The following KCNH8 variants were observed in gnomAD, a reference collection of about 807,000 sequenced individuals.
KCNH8 encodes potassium voltage-gated channel subfamily H member 8, also known as voltage-gated delayed rectifier potassium channel KCNH8.
A neutral mutation model predicts 103.6 loss-of-function variants in KCNH8; 70 were observed. That is an observed-to-expected ratio of 0.68 (90% confidence interval 0.56 to 0.82). The LOEUF (loss-of-function observed/expected upper bound fraction) is 0.82. Among genes scored for constraint, KCNH8 ranks in the 40% least tolerant of loss-of-function variants. The pLI, the probability that KCNH8 is intolerant of heterozygous loss-of-function variation, is 0.00. For synonymous variants in KCNH8, 498 were observed against 489.4 expected, an observed-to-expected ratio of 1.02 and a Z score of -0.23; for missense variants, 1,217 against 1,329.9, an observed-to-expected ratio of 0.92 and a Z score of 1.32.
intron 5 of KCNH8, among the ~76,000 whole-genome samples, chr3:19,362,269 C>T (rs1325240879): frequency 6.6e-6 from 1 of 152,056 alleles, no homozygotes; most frequent in Non-Finnish European, 1.5e-5. Flanking sequence ...TGTTAGGCCC[C>T]AAAGCTTAAA....
At chr3:19,194,637 G>C (rs2063583580) in intron 1 of KCNH8, among the ~76,000 whole-genome samples, 2 of 151,782 alleles carry the variant, frequency 1.3e-5, no homozygotes, top group Admixed American at 1.3e-4. Context: ...AGAGGGGAAA[G>C]ATAAGGAGGG....
chr3:19,232,046 C>T (rs558436506), intron 1 of KCNH8, among the ~76,000 whole-genome samples: 194 of 152,246 alleles, frequency 1.3e-3, no homozygotes, highest in African/African-American at 4.5e-3. Context: ...TTGAATTATG[C>T]ATTTGAAATG....
chr3:19,214,345 A>G (rs936200586), intron 1 of KCNH8, among the ~76,000 whole-genome samples: 2 of 152,220 alleles, frequency 1.3e-5, no homozygotes, highest in African/African-American at 2.4e-5. Context: ...GGACCATCCC[A>G]TAGCTGCTAG....
Position 19,253,725 on chromosome 3 carries a change from T to C in KCNH8, c.148T>C (p.Cys50Arg), listed in dbSNP as rs1225697941. The change falls in exon 2 of 16, where the codon TGC (cysteine) becomes CGC (arginine). Residue 50 changes from cysteine (C) to arginine (R), a missense_variant. Transcript: ENST00000328405. The part of the protein sequence containing the change: ...FPIVYCSDGF[C>R]ELAGFARTEV... ...CATAGTCTACTGTTCCGATGGCTTC[T>C]GCGAGCTTGCTGGATTTGCCCGAAC... 1 of 1,613,912 alleles carries C rather than the reference T, an allele frequency of 6.2e-7. No individual in the cohort carries two copies. Among genetic ancestry groups the C allele is most frequent in the Non-Finnish European group, 8.5e-7 (1 of 1,179,928 alleles).
At chr3:19,501,932 TAGG>T (rs1044640479) in intron 11 of KCNH8, among the ~76,000 whole-genome samples, 2 of 150,886 alleles carry the variant, frequency 1.3e-5, no homozygotes, top group Non-Finnish European at 3.0e-5. Flanking sequence ...CCAGGGCAAT[TAGG>T]AGAAGGAAAT....
In KCNH8 at chr3:19,326,377, ATATAT is replaced by A. The variant is rs1479730940; in HGVS notation, c.443-16209_443-16205del. Among the ~76,000 whole-genome samples, 50 of 147,552 alleles carry A rather than the reference ATATAT, an allele frequency of 3.4e-4. 2 individuals carry two copies. Among genetic ancestry groups the A allele is most frequent in the South Asian group, 6.3e-4 (3 of 4,726 alleles). On this transcript the variant is annotated intron_variant, in intron 3 of 15. Transcript: ENST00000328405. The stretch of plus-strand genomic sequence containing the variant: ...GTTAAATATATATATATATATATAT[ATATAT>A]AATAAATGATTATGATTTATTTTGG...
At chr3:19,514,509 GAAAAT>G (rs1276270975) in intron 13 of KCNH8, among the ~76,000 whole-genome samples, 1 of 151,698 alleles carries the variant, frequency 6.6e-6, no homozygotes, top group Non-Finnish European at 1.5e-5. Flanking sequence ...TCTTTATAGA[GAAAAT>G]AATATTTTGA....
chr3:19,328,196 T>C (rs1033268741), intron 3 of KCNH8, among the ~76,000 whole-genome samples: 5 of 152,230 alleles, frequency 3.3e-5, no homozygotes, highest in Admixed American at 1.3e-4. Context: ...TTATGCTGGA[T>C]GCCTTATTCT....
intron 5 of KCNH8, among the ~76,000 whole-genome samples, chr3:19,387,813 CT>C (rs1239895250): frequency 6.6e-6 from 1 of 151,954 alleles, no homozygotes; most frequent in East Asian, 1.9e-4. Flanking sequence ...ATAATTACTT[CT>C]TTTTAAACCT....
chr3:19,180,244 GCCAAGACAGAC>G (rs2063437999), intron 1 of KCNH8, among the ~76,000 whole-genome samples: 1 of 7,620 alleles, frequency 1.3e-4, no homozygotes, highest in Non-Finnish European at 3.5e-4. Context: ...TGTTCAAAGG[GCCAAGACAGAC>G]TTGGCCCTTC....
chr3:19,532,426 G>T (rs1437245982), intron 15 of KCNH8, among the ~76,000 whole-genome samples: 1 of 151,972 alleles, frequency 6.6e-6, no homozygotes, highest in Non-Finnish European at 1.5e-5. Context: ...CCCTTTTTCT[G>T]CAAACTTTCT....
At chr3:19,532,686 C>G (rs188022562) in intron 15 of KCNH8, among the ~76,000 whole-genome samples, 3 of 152,192 alleles carry the variant, frequency 2.0e-5, no homozygotes, top group Non-Finnish European at 4.4e-5. Context: ...CCCATTCATC[C>G]AGGGGAAGCG....
At chr3:19,372,453 C>T (rs960044302) in intron 5 of KCNH8, among the ~76,000 whole-genome samples, 3 of 150,746 alleles carry the variant, frequency 2.0e-5, no homozygotes, top group Non-Finnish European at 3.0e-5. Context: ...GATTTTTGTA[C>T]ATTGATTTTG....
intron 1 of KCNH8, among the ~76,000 whole-genome samples, chr3:19,226,316 A>G (rs2063930913): frequency 6.6e-6 from 1 of 152,152 alleles, no homozygotes; most frequent in African/African-American, 2.4e-5. Flanking sequence ...TGTGGATAAA[A>G]TTTTCCATTC....
At chr3:19,281,402 G>A in intron 3 of KCNH8, 73 bp downstream of exon 3, 1 of 1,381,650 alleles carries the variant, frequency 7.2e-7, no homozygotes, top group Non-Finnish European at 9.9e-7. Flanking sequence ...AACTCTTGGA[G>A]AAAAACATGC....
chr3:19,172,774 A>G (rs1055964651), intron 1 of KCNH8, among the ~76,000 whole-genome samples: 16 of 152,270 alleles, frequency 1.1e-4, no homozygotes, highest in Non-Finnish European at 1.6e-4. Context: ...TACTTGTCTT[A>G]TGTTAGGTTC....
intron 1 of KCNH8, among the ~76,000 whole-genome samples, chr3:19,210,669 A>G (rs2063761610): frequency 6.6e-6 from 1 of 151,894 alleles, no homozygotes; most frequent in Admixed American, 6.6e-5. Context: ...CAGAAGGTTA[A>G]GTTTCATAAA....
At chr3:19,332,403 T>G (rs1396877673) in intron 3 of KCNH8, among the ~76,000 whole-genome samples, 1 of 152,176 alleles carries the variant, frequency 6.6e-6, no homozygotes, top group African/African-American at 2.4e-5. Flanking sequence ...TCAATTCAAG[T>G]TGCTGCCTAC....
At chr3:19,168,680 T>C (rs1172654079) in intron 1 of KCNH8, among the ~76,000 whole-genome samples, 1 of 152,250 alleles carries the variant, frequency 6.6e-6, no homozygotes, top group African/African-American at 2.4e-5. Context: ...ATGTGCCATC[T>C]GAGTGTTTGA....
Sources: gnomAD v4.1 joint callset for allele counts (sites outside exome capture counted in the v4.1 genomes callset) on GRCh38, gnomAD v4.1.1 for gene constraint, MANE v1.5 for transcripts, NCBI Gene and HGNC (gene_info 2026-07-23, HGNC 2026-07-21) for gene names.